DNMBP: variants seen among roughly 807,000 people sequenced by gnomAD.
DNMBP encodes dynamin-binding protein.
DNMBP carries 87 observed loss-of-function variants against 150.0 expected under a neutral mutation model. The ratio of observed to expected loss-of-function variants is 0.58; its 90% confidence interval spans 0.49 to 0.69. DNMBP has a LOEUF of 0.69. DNMBP is among the 30% of genes least tolerant of loss of function. The probability of loss-of-function intolerance (pLI) is 0.00; values close to 1 mark genes in which losing one functional copy is unlikely to be tolerated. For missense variants in DNMBP, 1,774 were observed against 1,949.0 expected (o/e 0.91, Z 1.69); for synonymous variants, 711 against 750.4 (o/e 0.95, Z 0.86).
chr10:99,973,235 T>C (rs540411339), intron 1 of DNMBP, among the ~76,000 whole-genome samples: 1 of 152,302 alleles, frequency 6.6e-6, no homozygotes, highest in East Asian at 1.9e-4. Context: ...CTGGTCTAAT[T>C]TAAAAATAAT....
chr10:100,008,260 A>G (rs2041097170), intron 1 of DNMBP, among the ~76,000 whole-genome samples: 1 of 152,250 alleles, frequency 6.6e-6, no homozygotes, highest in African/African-American at 2.4e-5. Flanking sequence ...GCATATTTAA[A>G]CAGATCGTTT....
At chr10:99,914,059 T>C in intron 4 of DNMBP, 7 of 1,464,788 alleles carry the variant, frequency 4.8e-6, no homozygotes, top group Non-Finnish European at 6.3e-6. Flanking sequence ...CCCAAACTCC[T>C]TTGAATAGGG....
chr10:99,908,088 T>C lies in DNMBP; in HGVS notation c.2461A>G (p.Asn821Asp). 6.2e-7 allele frequency: 1 copy of C among 1,611,534 alleles called. No homozygotes were observed. The highest frequency in any genetic ancestry group is 1.1e-5 in the South Asian group (1 of 90,932). The change falls in exon 6 of 17, where the codon AAC becomes GAC. Residue 821 changes from asparagine to aspartate, a missense_variant. Transcript: ENST00000324109. ...CCAAAAAGTCCCTCAAAATCAATGTTTGGTACCTGAGAAAAGGAAACAAAA... is the reference window on the plus strand; with the variant it reads ...CCAAAAAGTCCCTCAAAATCAATGTCTGGTACCTGAGAAAAGGAAACAAAA... ...MVPMQQAQVP[N>D]IDFEGLFGNM...
intron 4 of DNMBP, among the ~76,000 whole-genome samples, chr10:99,911,097 C>T (rs1350124997): frequency 6.6e-6 from 1 of 151,982 alleles, no homozygotes; most frequent in Non-Finnish European, 1.5e-5. Flanking sequence ...AAATTAGCAG[C>T]ACATGGACTG....
intron 3 of DNMBP, among the ~76,000 whole-genome samples, chr10:99,965,473 G>C (rs2040611258): frequency 6.6e-6 from 1 of 150,942 alleles, no homozygotes; most frequent in Non-Finnish European, 1.5e-5. Context: ...AAACACAACA[G>C]ATCTCAAACA....
At chr10:99,968,197 C>T (rs2040639098) in intron 3 of DNMBP, among the ~76,000 whole-genome samples, 1 of 152,070 alleles carries the variant, frequency 6.6e-6, no homozygotes. Context: ...TAAATCACTT[C>T]CTTTTAAACT....
At chr10:99,915,382 A>G (rs1337925045) in intron 4 of DNMBP, among the ~76,000 whole-genome samples, 1 of 146,318 alleles carries the variant, frequency 6.8e-6, no homozygotes, top group East Asian at 2.0e-4. Flanking sequence ...AGTACTTTTT[A>G]ACCTCACAGG....
chr10:99,887,676 G>A (rs1295740896), intron 12 of DNMBP, among the ~76,000 whole-genome samples: 3 of 152,066 alleles, frequency 2.0e-5, no homozygotes, highest in African/African-American at 4.8e-5. Context: ...ACACCTGTCA[G>A]CTCCCCAGGT....
intron 4 of DNMBP, among the ~76,000 whole-genome samples, chr10:99,923,060 C>T (rs2040041074): frequency 6.6e-6 from 1 of 151,996 alleles, no homozygotes; most frequent in African/African-American, 2.4e-5. Flanking sequence ...TCAGCACCAG[C>T]CTGGCCAACT....
intron 6 of DNMBP, among the ~76,000 whole-genome samples, chr10:99,903,101 A>ATTTTTT (rs35462310): frequency 7.4e-6 from 1 of 134,418 alleles, no homozygotes. Context: ...CACCTGGGCA[A>ATTTTTT]TTTTTTTTTT....
In DNMBP at chr10:99,893,887, G is replaced by T. The variant is rs79208820; in HGVS notation, c.3156+1059C>A. 1.4e-3 allele frequency among the ~76,000 whole-genome samples: 207 copies of T among 152,280 alleles called. 1 individual carries two copies. Among genetic ancestry groups the T allele is most frequent in the African/African-American group, 4.9e-3 (202 of 41,540 alleles). On this transcript the variant is annotated intron_variant, in intron 11 of 16. Coordinates refer to ENST00000324109, the MANE Select transcript of DNMBP (RefSeq NM_015221.4). The stretch of plus-strand genomic sequence containing the variant: ...GATGGTGACTGTCTCTACAGAAGGT[G>T]ACAAGGTAGGAGGAATAATTATTTT...
At chr10:100,009,226 C>T (rs2041107573) in intron 1 of DNMBP, among the ~76,000 whole-genome samples, 1 of 152,232 alleles carries the variant, frequency 6.6e-6, no homozygotes, top group South Asian at 2.1e-4. Context: ...CTCAATATTC[C>T]TTTACTAAAG....
In DNMBP at chr10:99,888,976, C is replaced by T. The variant is rs369163097; in HGVS notation, c.3157-23G>A. 1.6e-5 allele frequency: 25 copies of T among 1,612,888 alleles called. No individual in the cohort carries two copies. The African/African-American group carries it at 2.4e-4, about 16-fold the overall frequency. ...CTCCTGGAGCCAGTTAGGACAGACA[C>T]AAGTCAGAACAGACAGAACTTTCCA... On this transcript the variant is annotated intron_variant, in intron 11 of 16. Transcript: ENST00000324109.
chr10:99,910,267 T>C (rs369139893), intron 4 of DNMBP, among the ~76,000 whole-genome samples: 14 of 152,230 alleles, frequency 9.2e-5, no homozygotes, highest in African/African-American at 2.7e-4. Context: ...CTGGGACGGG[T>C]GCAGTGGCTC....
Position 99,886,644 on chromosome 10 carries a change from A to G in DNMBP, c.3286-12T>C. ...TCTGTCCTCTCCTTCTGTAGGGACG[A>G]GAAAGGCACATTGCTCAGCTGGACA... On this transcript the variant is annotated splice_polypyrimidine_tract_variant and intron_variant, in intron 12 of 16. Transcript: ENST00000324109. 1 of 1,604,174 alleles carries G rather than the reference A, an allele frequency of 6.2e-7. No homozygotes were observed. The highest frequency in any genetic ancestry group is 8.5e-7 in the Non-Finnish European group (1 of 1,173,140).
intron 1 of DNMBP, among the ~76,000 whole-genome samples, chr10:99,972,751 C>G (rs1251947162): frequency 6.6e-6 from 1 of 152,194 alleles, no homozygotes; most frequent in Non-Finnish European, 1.5e-5. Context: ...GCTGGAACTA[C>G]AGGCGCACAC....
intron 1 of DNMBP, among the ~76,000 whole-genome samples, chr10:99,986,594 CAAAAAAAAAAAA>C (rs747726572): frequency 2.7e-4 from 20 of 74,166 alleles, no homozygotes; most frequent in South Asian, 1.1e-3. Context: ...GACTCCGTCT[CAAAAAAAAAAAA>C]AAAAAAAAAA....
At chr10:99,883,403 C>T (rs2039399228) in intron 15 of DNMBP, among the ~76,000 whole-genome samples, 1 of 151,940 alleles carries the variant, frequency 6.6e-6, no homozygotes, top group Non-Finnish European at 1.5e-5. Context: ...GTGGCTCACA[C>T]CTATAATCCC....
At chr10:99,877,716 T>C (rs928287067) in intron 16 of DNMBP, among the ~76,000 whole-genome samples, 3 of 151,952 alleles carry the variant, frequency 2.0e-5, no homozygotes, top group African/African-American at 7.3e-5. Context: ...ATACAAAAAT[T>C]AGCCGGGCGT....
Sources: allele counts gnomAD v4.1 joint callset (sites outside exome capture counted in the v4.1 genomes callset), GRCh38; gene constraint gnomAD v4.1.1; transcripts MANE v1.5; gene names NCBI Gene and HGNC (gene_info 2026-07-23, HGNC 2026-07-21).